BID: variants seen among roughly 807,000 people sequenced by gnomAD.
The protein encoded by BID is BH3 interacting domain death agonist, also known as BH3-interacting domain death agonist.
A neutral mutation model predicts 17.4 loss-of-function variants in BID; 19 were observed. The observed-to-expected ratio is 1.09, with a 90% CI of 0.76 to 1.60. BID has a LOEUF of 1.60. Ranked by LOEUF, BID falls within the 40% of genes most tolerant of loss-of-function variation. The pLI, the probability that BID is intolerant of heterozygous loss-of-function variation, is 0.00. For synonymous variants in BID, 108 were observed against 102.8 expected, an observed-to-expected ratio of 1.05 and a Z score of -0.31; for missense variants, 226 against 256.0, an observed-to-expected ratio of 0.88 and a Z score of 0.80.
rs2061432531 is a variant in BID, at chr22:17,738,095, C to T, written c.498G>A (p.Leu166=). The T allele has an allele frequency of 1.2e-6, 2 of 1,614,182 alleles. No homozygotes were observed. Among genetic ancestry groups the T allele is most frequent in the Non-Finnish European group, 1.7e-6 (2 of 1,180,048 alleles). ...AKKVASHTPS[L]LRDVFHTTVN... is the part of the protein sequence containing the mutation. ...CTGTTGTGTGAAAGACATCACGGAG[C>T]AAGGACGGCGTGTGACTGGCCACCT... The change falls in exon 5 of 6, where the codon TTG becomes TTA. Residue 166 remains leucine, a synonymous_variant. Coordinates refer to ENST00000622694, the MANE Select transcript of BID (RefSeq NM_001196.4).
intron 3 of BID, 114 bp downstream of exon 3, chr22:17,743,689 G>GA: frequency 8.9e-7 from 1 of 1,120,696 alleles, no homozygotes; most frequent in South Asian, 1.6e-5. Flanking sequence ...CGTGGCAGCT[G>GA]AAACTGCAGA....
intron 1 of BID, among the ~76,000 whole-genome samples, chr22:17,771,378 C>G (rs1292805756): frequency 6.6e-6 from 1 of 152,168 alleles, no homozygotes; most frequent in Non-Finnish European, 1.5e-5. Flanking sequence ...GGATTACAGG[C>G]GTGAGCCACC....
chr22:17,742,388 G>C (rs1348945162), intron 3 of BID, among the ~76,000 whole-genome samples: 1 of 152,182 alleles, frequency 6.6e-6, no homozygotes, highest in Non-Finnish European at 1.5e-5. Context: ...CCTTCCCAAA[G>C]GGATCTGGGG....
Position 17,773,773 on chromosome 22 carries a change from T to G in BID, c.-59+608A>C. ...GCTTCAGAGCTCTCCCAGGGTCCCC[T>G]GGGGTCATTCAGCCACTCAACAGTT... On this transcript the variant is annotated intron_variant, in intron 1 of 5. Transcript: ENST00000622694. The surrounding 1 kb of genome is among the most constrained non-coding windows in gnomAD (Gnocchi z 4.4). The G allele has an allele frequency of 7.5e-7, 1 of 1,338,574 alleles. No individual in the cohort carries two copies. The highest frequency in any genetic ancestry group is 1.2e-5 in the South Asian group (1 of 81,444). The allele number at this position is 1,338,574 out of a possible 1,614,324, so 82.9% of individuals were successfully genotyped here.
At chr22:17,756,462 TCTTTCTTTCTTTC>T (rs2061588856) in intron 1 of BID, among the ~76,000 whole-genome samples, 1 of 120,352 alleles carries the variant, frequency 8.3e-6, no homozygotes, top group Admixed American at 8.2e-5. Context: ...TTTCTTTCTT[TCTTTCTTTCTTTC>T]TTTTCTTTCT....
chr22:17,758,865 C>T (rs13058045), intron 1 of BID, among the ~76,000 whole-genome samples: 2,380 of 152,216 alleles, frequency 0.016, 30 homozygotes, highest in Non-Finnish European at 0.023. Flanking sequence ...CTGAACTGTA[C>T]GCTTAAAAAT....
chr22:17,738,055 G>C lies in BID; in HGVS notation c.538C>G (p.Gln180Glu). 1 of 1,614,184 alleles carries C rather than the reference G, an allele frequency of 6.2e-7. No homozygotes were observed. Among genetic ancestry groups the C allele is most frequent in the Non-Finnish European group, 8.5e-7 (1 of 1,180,046 alleles). ...CTCCTCACGTAGGTGCGTAGGTTCT[G>C]GTTAATAAAATTCACTGTTGTGTGA... ...VFHTTVNFIN[Q>E]NLRTYVRSLA... is the part of the protein sequence containing the mutation. The change falls in exon 5 of 6, where the codon CAG becomes GAG. Residue 180 changes from glutamine (Q) to glutamate (E), a missense_variant. Physicochemically the swap from Gln to Glu is conservative, Grantham distance 29 (BLOSUM62 2). Transcript: ENST00000622694.
Position 17,739,486 on chromosome 22 carries a change from A to G in BID, c.226T>C (p.Ser76Pro). ...CGGATGATGTCTTCTTGACTTTCAG[A>G]ATCTGTGTTCAGGCAGGGGCGGCAG... ...HSRLGRIEAD[S>P]ESQEDIIRNI... Residue 76 changes from serine (S) to proline (P), a missense_variant and splice_region_variant, in exon 4 of 6, where the codon TCT becomes CCT. Physicochemically the swap from Ser to Pro is moderately conservative, Grantham distance 74. Coordinates refer to ENST00000622694, the MANE Select transcript of BID (RefSeq NM_001196.4). 4 of 1,611,226 alleles carry G rather than the reference A, an allele frequency of 2.5e-6. No individual in the cohort carries two copies. Among genetic ancestry groups the G allele is most frequent in the Non-Finnish European group, 3.4e-6 (4 of 1,179,478 alleles).
At chr22:17,745,657 A>G (rs546793997) in intron 2 of BID, among the ~76,000 whole-genome samples, 37 of 149,984 alleles carry the variant, frequency 2.5e-4, no homozygotes, top group African/African-American at 8.6e-4. Context: ...CTCAAAAAAG[A>G]AAAAAAAAAT....
chr22:17,757,699 A>C (rs1404581659), intron 1 of BID, among the ~76,000 whole-genome samples: 3 of 137,462 alleles, frequency 2.2e-5, no homozygotes, highest in Non-Finnish European at 4.5e-5. Context: ...ACAGAGCGAG[A>C]CTCCGTCTCA....
intron 5 of BID, among the ~76,000 whole-genome samples, chr22:17,737,337 G>A (rs944937200): frequency 8.6e-5 from 13 of 151,960 alleles, no homozygotes; most frequent in Admixed American, 6.6e-4. Context: ...TTGACTACTC[G>A]TTTTGGTTCA....
In BID at chr22:17,743,936, G is replaced by T. The variant is rs754705127; in HGVS notation, c.90C>A (p.Asp30Glu). ...CGTCCAGCTCTCTGCGGAAGCTGTT[G>T]TCAGAACAGCTTTGGAGGAAGCCAA... The part of the protein sequence containing the change: ...LVFGFLQSCS[D>E]NSFRRELDAL... The change falls in exon 3 of 6, where the codon GAC becomes GAA. Residue 30 changes from aspartate to glutamate, a missense_variant. Physicochemically the swap from Asp to Glu is conservative, Grantham distance 45 (BLOSUM62 2). Transcript: ENST00000622694. 2 of 1,613,868 alleles carry T rather than the reference G, an allele frequency of 1.2e-6. No individual in the cohort carries two copies. The highest frequency in any genetic ancestry group is 1.7e-6 in the Non-Finnish European group (2 of 1,180,028).
chr22:17,754,786 CAG>C, intron 1 of BID, among the ~76,000 whole-genome samples: 1 of 152,206 alleles, frequency 6.6e-6, no homozygotes, highest in South Asian at 2.1e-4. Flanking sequence ...TTTTTGGAGA[CAG>C]AGTCTCACCT....
intron 1 of BID, 79 bp from the exon 2 acceptor site, chr22:17,750,253 C>G: frequency 8.0e-7 from 1 of 1,256,662 alleles, no homozygotes; most frequent in South Asian, 1.3e-5. Flanking sequence ...ACGAAGCTGG[C>G]CTGTGCTCCA....
At position 17,769,219 on chromosome 22, in the gene BID, G is replaced by A. The variant is rs2061701678; in HGVS notation, c.-59+5162C>T. Among the ~76,000 whole-genome samples the A allele has an allele frequency of 6.6e-6, 1 of 152,240 alleles. No individual in the cohort carries two copies. Among genetic ancestry groups the A allele is most frequent in the South Asian group, 2.1e-4 (1 of 4,828 alleles). On this transcript the variant is annotated intron_variant, in intron 1 of 5. Coordinates refer to ENST00000622694, the MANE Select transcript of BID (RefSeq NM_001196.4). This position sits in a 1 kb window ranked among gnomAD's most constrained non-coding sequence, Gnocchi z 4.8. Reference sequence around the variant, plus strand: ...CAGAAATGCCACCCAGCCCCTGGCAGAAACGCCTCCCCTCTCCTATGGAGG... The same window carrying A: ...CAGAAATGCCACCCAGCCCCTGGCAAAAACGCCTCCCCTCTCCTATGGAGG...
At chr22:17,754,037 G>A (rs2011409) in intron 1 of BID, among the ~76,000 whole-genome samples, 4,944 of 150,770 alleles carry the variant, frequency 0.033, 228 homozygotes, top group African/African-American at 0.12. Context: ...CTGCCGGACG[G>A]GGGTGACATT....
chr22:17,759,868 C>A (rs893211112), intron 1 of BID, among the ~76,000 whole-genome samples: 4 of 151,908 alleles, frequency 2.6e-5, no homozygotes, highest in Admixed American at 6.6e-5. Flanking sequence ...TTCGGCCGGG[C>A]GAGGTGGCTC....
chr22:17,773,585 A>T lies in BID; in HGVS notation c.-59+796T>A. The T allele has an allele frequency of 6.2e-7, 1 of 1,611,688 alleles. No individual in the cohort carries two copies. Among genetic ancestry groups the T allele is most frequent in the Non-Finnish European group, 8.5e-7 (1 of 1,179,556 alleles). On this transcript the variant is annotated intron_variant, in intron 1 of 5. Coordinates refer to ENST00000622694, the MANE Select transcript of BID (RefSeq NM_001196.4). This position sits in a 1 kb window ranked among gnomAD's most constrained non-coding sequence, Gnocchi z 4.4. ...CAGGTGAAGGCCGGTCCAGCCGCAG[A>T]AGGCCCAGCCCCCAGCCCACTTACA...
chr22:17,747,074 CAGGG>C (rs2145885209), intron 2 of BID, among the ~76,000 whole-genome samples: 1 of 152,270 alleles, frequency 6.6e-6, no homozygotes, highest in Non-Finnish European at 1.5e-5. Flanking sequence ...CTCGAGGCGG[CAGGG>C]AGGGAGAGGA....
Sources: gnomAD v4.1 joint callset for allele counts (sites outside exome capture counted in the v4.1 genomes callset) on GRCh38, gnomAD v4.1.1 for gene constraint, Gnocchi (gnomAD v3.1) non-coding constraint, MANE v1.5 for transcripts, NCBI Gene and HGNC (gene_info 2026-07-23, HGNC 2026-07-21) for gene names.